The following FNTB variants were observed in gnomAD, a reference collection of about 807,000 sequenced individuals.
FNTB encodes protein farnesyltransferase subunit beta.
In FNTB, 27 loss-of-function variants were observed where a neutral mutation model predicts 59.4. The observed-to-expected ratio is 0.45, with a 90% CI of 0.34 to 0.63. The LOEUF is 0.63. Among genes scored for constraint, FNTB ranks in the 20% least tolerant of loss-of-function variants. FNTB has a pLI of 0.02. For missense variants in FNTB, 449 were observed against 559.6 expected, an observed-to-expected ratio of 0.80 and a Z score of 1.99; for synonymous variants, 230 against 220.7, an observed-to-expected ratio of 1.04 and a Z score of -0.37.
intron 9 of FNTB, 58 bp from the exon 10 acceptor site, chr14:65,053,180 G>T: frequency 7.9e-7 from 1 of 1,266,778 alleles, no homozygotes. Flanking sequence ...AGTGGAATTA[G>T]GTCATTGATA....
chr14:65,006,209 CA>C, intron 2 of FNTB: 1 of 1,610,908 alleles, frequency 6.2e-7, no homozygotes, highest in Non-Finnish European at 8.5e-7. Context: ...TCTGATTAGC[CA>C]TGGCAGAAAA....
chr14:64,992,127 C>T (rs1369793600), intron 1 of FNTB, among the ~76,000 whole-genome samples: 2 of 152,168 alleles, frequency 1.3e-5, no homozygotes, highest in African/African-American at 2.4e-5. Flanking sequence ...GACTGGAGCT[C>T]TGCTTGGTTA....
At chr14:65,059,279 C>G (rs1595108449) in intron 11 of FNTB, among the ~76,000 whole-genome samples, 1 of 152,026 alleles carries the variant, frequency 6.6e-6, no homozygotes, top group South Asian at 2.1e-4. Flanking sequence ...CTCAGCCACC[C>G]AAAGTGCTGG....
In FNTB at chr14:65,027,323, G is replaced by A; in HGVS notation, c.375-130G>A. On this transcript the variant is annotated intron_variant, in intron 4 of 11. Coordinates refer to ENST00000246166, the MANE Select transcript of FNTB (RefSeq NM_002028.4). This position sits in a 1 kb window ranked among gnomAD's most constrained non-coding sequence, Gnocchi z 5.7. ...TGGGGAGAGGTTATATTCAACAAGT[G>A]GGAGGAGAGGTTCCCCTCAACTTTT... 7.1e-7 allele frequency: 1 copy of A among 1,402,626 alleles called. No homozygotes were observed. Among genetic ancestry groups the A allele is most frequent in the Non-Finnish European group, 9.7e-7 (1 of 1,028,382 alleles). The allele number at this position is 1,402,626 out of a possible 1,614,324, so 86.9% of individuals were successfully genotyped here.
chr14:65,036,998 C>T (rs1428058067), intron 7 of FNTB, among the ~76,000 whole-genome samples: 1 of 152,028 alleles, frequency 6.6e-6, no homozygotes, highest in Non-Finnish European at 1.5e-5. Flanking sequence ...TATTTTTATT[C>T]ATTTTGCTGG....
In FNTB at chr14:64,990,880, T is replaced by G. The variant is rs1012433463; in HGVS notation, c.144+3783T>G. The stretch of plus-strand genomic sequence containing the variant: ...CGGTAGTGGAGGTAATGAGAAATGG[T>G]CAGCTCTGGATATTTTTATGAAGGT... On this transcript the variant is annotated intron_variant, in intron 1 of 11. Coordinates refer to ENST00000246166, the MANE Select transcript of FNTB (RefSeq NM_002028.4). The surrounding 1 kb of genome is among the most constrained non-coding windows in gnomAD (Gnocchi z 5.2). Among the ~76,000 whole-genome samples, 2 of 152,078 alleles carry G rather than the reference T, an allele frequency of 1.3e-5. No homozygotes were observed. Among genetic ancestry groups the G allele is most frequent in the African/African-American group, 4.8e-5 (2 of 41,412 alleles).
rs370265766 is a variant in FNTB, at chr14:65,011,018, T to C, written c.210-1299T>C. On this transcript the variant is annotated intron_variant, in intron 2 of 11. Transcript: ENST00000246166. This position sits in a 1 kb window ranked among gnomAD's most constrained non-coding sequence, Gnocchi z 4.0. ...TGATCATTCCTTTCTTCATGAGATA[T>C]CCCCTCCCTTTTGAGCCTCAGTAGT... Among the ~76,000 whole-genome samples, 1,396 of 149,784 alleles carry C rather than the reference T, an allele frequency of 9.3e-3. 21 individuals are homozygous for C. The highest frequency in any genetic ancestry group is 0.032 in the African/African-American group (1,294 of 40,584).
rs1420190129 is a variant in FNTB, at chr14:65,012,992, A to G, written c.282+603A>G. On this transcript the variant is annotated intron_variant, in intron 3 of 11. Transcript: ENST00000246166. The surrounding 1 kb of genome is among the most constrained non-coding windows in gnomAD (Gnocchi z 5.0). The stretch of plus-strand genomic sequence containing the variant: ...TAATATTTCCCAGAGCAACGTCAGG[A>G]CTGGGTGACGGTGGAGGGGACAGAT... Among the ~76,000 whole-genome samples the G allele has an allele frequency of 6.6e-6, 1 of 152,158 alleles. No homozygotes were observed. The highest frequency in any genetic ancestry group is 1.5e-5 in the Non-Finnish European group (1 of 68,016).
intron 4 of FNTB, among the ~76,000 whole-genome samples, chr14:65,019,452 A>C (rs1248144433): frequency 6.6e-6 from 1 of 152,154 alleles, no homozygotes; most frequent in Non-Finnish European, 1.5e-5. Context: ...ACACCACTGC[A>C]CTCCAGCCTG....
At position 65,031,887 on chromosome 14, in the gene FNTB, C is replaced by T. The variant is rs2062092126; in HGVS notation, c.606-723C>T. ...AGTGAGCTGAGATCATACCACTGCACTCTAGCCTGGGCGACAGAGTGAGAC... is the reference window on the plus strand; with the variant it reads ...AGTGAGCTGAGATCATACCACTGCATTCTAGCCTGGGCGACAGAGTGAGAC... On this transcript the variant is annotated intron_variant, in intron 6 of 11. Transcript: ENST00000246166. This position sits in a 1 kb window ranked among gnomAD's most constrained non-coding sequence, Gnocchi z 4.6. 6.6e-6 allele frequency among the ~76,000 whole-genome samples: 1 copy of T among 152,102 alleles called. No homozygotes were observed. The highest frequency in any genetic ancestry group is 2.1e-4 in the South Asian group (1 of 4,820).
chr14:65,027,036 A>G lies in FNTB; in HGVS notation c.375-417A>G, dbSNP rs1365754341. Among the ~76,000 whole-genome samples, 2 of 152,082 alleles carry G rather than the reference A, an allele frequency of 1.3e-5. No individual in the cohort carries two copies. Among genetic ancestry groups the G allele is most frequent in the African/African-American group, 4.8e-5 (2 of 41,412 alleles). ...GTGTGGAAAGAAGCAGTTGAGCACC[A>G]TGTTTTGGCAAAATTCAAAGGCTGG... On this transcript the variant is annotated intron_variant, in intron 4 of 11. Transcript: ENST00000246166. This position sits in a 1 kb window ranked among gnomAD's most constrained non-coding sequence, Gnocchi z 5.7.
At position 64,994,456 on chromosome 14, in the gene FNTB, A is replaced by G. The variant is rs765112648; in HGVS notation, c.144+7359A>G. 2.8e-4 allele frequency among the ~76,000 whole-genome samples: 43 copies of G among 152,218 alleles called. No homozygotes were observed. Among genetic ancestry groups the G allele is most frequent in the Non-Finnish European group, 5.0e-4 (34 of 68,042 alleles). On this transcript the variant is annotated intron_variant, in intron 1 of 11. Transcript: ENST00000246166. This position sits in a 1 kb window ranked among gnomAD's most constrained non-coding sequence, Gnocchi z 4.2. Reference sequence around the variant, plus strand: ...TAGAGTGTACTTAACACAAATGTAGATGGCATAGCCTACTACACACCTAGG... The same window carrying G: ...TAGAGTGTACTTAACACAAATGTAGGTGGCATAGCCTACTACACACCTAGG...
chr14:64,988,120 A>G (rs899287553), intron 1 of FNTB, among the ~76,000 whole-genome samples: 12 of 152,258 alleles, frequency 7.9e-5, no homozygotes, highest in African/African-American at 2.7e-4. Flanking sequence ...GTTATGACTA[A>G]ATAGAATTAT....
intron 7 of FNTB, among the ~76,000 whole-genome samples, chr14:65,037,583 A>G (rs1466151748): frequency 2.7e-5 from 4 of 147,870 alleles, no homozygotes; most frequent in Admixed American, 2.0e-4. Flanking sequence ...GGCATCCACC[A>G]TCCGCTAATT....
At chr14:64,999,127 A>G (rs1334808622) in intron 1 of FNTB, among the ~76,000 whole-genome samples, 1 of 152,234 alleles carries the variant, frequency 6.6e-6, no homozygotes. Context: ...CAAACAGGTA[A>G]ATTTATAGAG....
chr14:65,020,851 C>G (rs2061873635), intron 4 of FNTB, among the ~76,000 whole-genome samples: 1 of 151,392 alleles, frequency 6.6e-6, no homozygotes, highest in African/African-American at 2.4e-5. Context: ...CCTGCCTCAG[C>G]TTCCCAAGTA....
chr14:65,026,086 T>C (rs1053768403), intron 4 of FNTB, among the ~76,000 whole-genome samples: 1 of 152,242 alleles, frequency 6.6e-6, no homozygotes, highest in Admixed American at 6.5e-5. Flanking sequence ...GTAGTCTTTC[T>C]GGCAGCAGTA....
chr14:64,987,512 CTG>C, intron 1 of FNTB: 1 of 199,060 alleles, frequency 5.0e-6, no homozygotes, highest in Non-Finnish European at 1.1e-5. Flanking sequence ...CAGGGCCAGG[CTG>C]CTGTCATGCC....
At chr14:64,989,279 A>AC (rs1330430995) in intron 1 of FNTB, among the ~76,000 whole-genome samples, 2 of 149,128 alleles carry the variant, frequency 1.3e-5, no homozygotes, top group Non-Finnish European at 3.0e-5. Flanking sequence ...TACCAAAAAA[A>AC]AAAAAAAAAA....
Sources: allele counts gnomAD v4.1 joint callset (sites outside exome capture counted in the v4.1 genomes callset), GRCh38; gene constraint gnomAD v4.1.1; non-coding constraint Gnocchi (gnomAD v3.1); transcripts MANE v1.5; gene names NCBI Gene and HGNC (gene_info 2026-07-23, HGNC 2026-07-21).